Variants in HMCN1 observed in about 807,000 individuals in gnomAD.
HMCN1 encodes hemicentin 1, also known as hemicentin-1.
In HMCN1, 321 loss-of-function variants were observed where a neutral mutation model predicts 625.9. The ratio of observed to expected loss-of-function variants is 0.51; its 90% CI spans 0.47 to 0.56. The LOEUF is 0.56. HMCN1 is among the 20% of genes least tolerant of loss of function. HMCN1 has a pLI of 0.00. For missense variants in HMCN1, 6,588 were observed against 6,887.3 expected (o/e 0.96, Z 1.54); for synonymous variants, 2,425 against 2,417.6 (o/e 1.00, Z -0.09).
At chr1:186,166,386 T>G in intron 99 of HMCN1, 83 bp downstream of exon 99, 2 of 1,535,212 alleles carry the variant, frequency 1.3e-6, no homozygotes, top group Non-Finnish European at 1.8e-6. Context: ...ACCCATTATC[T>G]TCTTTCCTAC....
chr1:186,104,644 CAG>C (rs1232795703), intron 69 of HMCN1, among the ~76,000 whole-genome samples: 1 of 152,130 alleles, frequency 6.6e-6, no homozygotes, highest in African/African-American at 2.4e-5. Flanking sequence ...AAATCAGGTG[CAG>C]AGAGATTAAG....
intron 41 of HMCN1, 104 bp from the exon 42 acceptor site, chr1:186,048,639 G>A (rs1438322968): frequency 1.3e-6 from 1 of 750,204 alleles, no homozygotes. Context: ...TTATATGTAT[G>A]TGAATCTTCA....
rs554565669 is a variant in HMCN1, at chr1:186,065,304, A to C, written c.7580A>C (p.His2527Pro). 1 of 1,612,770 alleles carries C rather than the reference A, an allele frequency of 6.2e-7. No homozygotes were observed. The highest frequency in any genetic ancestry group is 1.7e-5 in the Admixed American group (1 of 59,988). ...CCCCTCCAAGAAGATGAAGCCCATC[A>C]CATTATATCTGGTGGCCGTTTTCTT... is the stretch of plus-strand genomic sequence containing the variant. ...GQPLQEDEAH[H>P]IISGGRFLQI... The change falls in exon 49 of 107, where the codon CAC becomes CCC. Residue 2527 changes from histidine (H) to proline (P), a missense_variant. His to Pro is a moderately conservative substitution (Grantham distance 77). This residue lies in a region of HMCN1 where 4,628 missense variants were observed against 4,853.1 expected (regional missense o/e 0.95). Transcript: ENST00000271588.
chr1:186,068,519 C>T (rs2102335911), intron 50 of HMCN1, among the ~76,000 whole-genome samples: 1 of 152,180 alleles, frequency 6.6e-6, no homozygotes, highest in Non-Finnish European at 1.5e-5. Context: ...TGTGAAAAAT[C>T]ATGGATTCTG....
chr1:186,110,815 T>G (rs1372328873), intron 71 of HMCN1, among the ~76,000 whole-genome samples: 1 of 151,686 alleles, frequency 6.6e-6, no homozygotes, highest in African/African-American at 2.4e-5. Context: ...AAGGTCGTAT[T>G]CATACCCAAG....
intron 6 of HMCN1, among the ~76,000 whole-genome samples, chr1:185,918,064 A>G (rs1423592199): frequency 6.6e-6 from 1 of 152,206 alleles, no homozygotes; most frequent in African/African-American, 2.4e-5. Context: ...AATAGGATAT[A>G]TACATATATG....
intron 11 of HMCN1, among the ~76,000 whole-genome samples, chr1:185,937,094 G>T (rs1255844839): frequency 6.6e-6 from 1 of 152,216 alleles, no homozygotes; most frequent in Admixed American, 6.5e-5. Context: ...ATACTTAGAA[G>T]AAATGGATGC....
At chr1:185,880,329 G>T (rs1008922300) in intron 4 of HMCN1, among the ~76,000 whole-genome samples, 3 of 152,172 alleles carry the variant, frequency 2.0e-5, no homozygotes, top group Admixed American at 6.5e-5. Context: ...ATTGATAATT[G>T]CAGGTAATTC....
At chr1:186,096,079 T>C (rs1448984120) in intron 68 of HMCN1, among the ~76,000 whole-genome samples, 1 of 152,286 alleles carries the variant, frequency 6.6e-6, no homozygotes, top group East Asian at 1.9e-4. Flanking sequence ...AGTAAGATAA[T>C]GAAACGAAGT....
intron 80 of HMCN1, among the ~76,000 whole-genome samples, chr1:186,121,200 G>A (rs1463895791): frequency 6.6e-6 from 1 of 152,152 alleles, no homozygotes; most frequent in South Asian, 2.1e-4. Flanking sequence ...AAACACAAGG[G>A]AGATCAGAAA....
chr1:186,174,147 A>G (rs773327700), intron 102 of HMCN1, among the ~76,000 whole-genome samples: 1 of 152,214 alleles, frequency 6.6e-6, no homozygotes, highest in Non-Finnish European at 1.5e-5. Flanking sequence ...TCCAGCTAGC[A>G]GCTAGAAACA....
At position 186,095,346 on chromosome 1, in the gene HMCN1, T is replaced by C; in HGVS notation, c.10398T>C (p.Ser3466=). 1.7e-5 allele frequency: 27 copies of C among 1,613,750 alleles called. No homozygotes were observed. Among genetic ancestry groups the C allele is most frequent in the Non-Finnish European group, 2.3e-5 (27 of 1,179,850 alleles). Residue 3466 remains serine (S), a synonymous_variant, in exon 68 of 107, where the codon AGT becomes AGC. Coordinates refer to ENST00000271588, the MANE Select transcript of HMCN1 (RefSeq NM_031935.3). ...TTACTGATGGAACCCCAGCTCCCAG[T>C]ATGGCCTGGCTTAGAGATGGCCAGC... The part of the protein sequence containing the change: ...ACITDGTPAP[S]MAWLRDGQPL...
intron 6 of HMCN1, among the ~76,000 whole-genome samples, chr1:185,920,183 C>A (rs1666931563): frequency 1.3e-5 from 2 of 152,140 alleles, no homozygotes; most frequent in South Asian, 4.1e-4. Context: ...ACATCAGAGG[C>A]TATTTTAATA....
Position 186,055,385 on chromosome 1 carries a change from A to G in HMCN1, c.6863-8A>G. Reference sequence around the variant, plus strand: ...TTTTGTTTCTTTTTATCTTCCTCCAACCCTCAGTTAGACCAACCATAACCA... The same window carrying G: ...TTTTGTTTCTTTTTATCTTCCTCCAGCCCTCAGTTAGACCAACCATAACCA... On this transcript the variant is annotated splice_polypyrimidine_tract_variant and splice_region_variant and intron_variant, in intron 44 of 106. Coordinates refer to ENST00000271588, the MANE Select transcript of HMCN1 (RefSeq NM_031935.3). The G allele has an allele frequency of 6.2e-7, 1 of 1,611,956 alleles. No individual in the cohort carries two copies.
Position 186,151,315 on chromosome 1 carries a change from A to G in HMCN1, c.14724A>G (p.Ile4908Met), listed in dbSNP as rs985804430. The change falls in exon 94 of 107, where the codon ATA becomes ATG. Residue 4908 changes from isoleucine (I) to methionine (M), a missense_variant. Coordinates refer to ENST00000271588, the MANE Select transcript of HMCN1 (RefSeq NM_031935.3). Reference sequence around the variant, plus strand: ...GCCCTAACTCTGATACTAGAATAATACGTGCCAAAATTACCAATGTACCTC... The same window carrying G: ...GCCCTAACTCTGATACTAGAATAATGCGTGCCAAAATTACCAATGTACCTC... ...TDSPNSDTRI[I>M]RAKITNVPRS... The G allele has an allele frequency of 6.2e-7, 1 of 1,613,810 alleles. No homozygotes were observed. The highest frequency in any genetic ancestry group is 1.3e-5 in the African/African-American group (1 of 75,042).
intron 41 of HMCN1, 54 bp downstream of exon 41, chr1:186,045,917 T>G: frequency 7.7e-7 from 1 of 1,304,334 alleles, no homozygotes. Flanking sequence ...TTCATGGTTT[T>G]GGTATTACCC....
chr1:185,808,100 C>G (rs1260177533), intron 1 of HMCN1, among the ~76,000 whole-genome samples: 1 of 152,084 alleles, frequency 6.6e-6, no homozygotes, highest in Non-Finnish European at 1.5e-5. Context: ...AATCCCAGCA[C>G]TTTGGGAGGC....
rs1659656268 is a variant in HMCN1 at position 186,088,489 on chromosome 1, G to A, written c.9578-117G>A. The stretch of plus-strand genomic sequence containing the variant: ...TTTTTTCTTTTTTAAAAAAGAAAAT[G>A]GAGAACTTTTAAGAAATGCATTTAT... On this transcript the variant is annotated intron_variant, in intron 62 of 106. Transcript: ENST00000271588. 2.9e-6 allele frequency: 4 copies of A among 1,370,188 alleles called. No homozygotes were observed. In the East Asian group the frequency reaches 9.8e-5, roughly 34 times the overall value. 84.9% of individuals were successfully genotyped at this position (1,370,188 alleles called of 1,614,324 possible). A position where few individuals can be genotyped will look rare whatever the true frequency, so the allele number is the denominator to read the frequency against.
At chr1:185,824,572 A>G (rs1017920078) in intron 1 of HMCN1, among the ~76,000 whole-genome samples, 31 of 152,288 alleles carry the variant, frequency 2.0e-4, no homozygotes, top group African/African-American at 7.5e-4. Context: ...GAGAATGGAC[A>G]CTATATTGGT....
Sources: gnomAD v4.1 joint callset for allele counts (sites outside exome capture counted in the v4.1 genomes callset) on GRCh38, gnomAD v4.1.1 for gene constraint, gnomAD v4.1.1 regional missense constraint, MANE v1.5 for transcripts, NCBI Gene and HGNC (gene_info 2026-07-23, HGNC 2026-07-21) for gene names.